Variants in TAX1BP1 observed in about 807,000 individuals in gnomAD.
The protein encoded by TAX1BP1 is tax1-binding protein 1.
In TAX1BP1, 62 loss-of-function variants were observed where a neutral mutation model predicts 97.7. That is an observed-to-expected ratio of 0.63 (90% CI 0.52 to 0.78). The LOEUF (loss-of-function observed/expected upper bound fraction) is 0.78. TAX1BP1 is among the 30% of genes least tolerant of loss of function. The pLI is 0.00. For missense variants in TAX1BP1, 867 were observed against 916.1 expected, an observed-to-expected ratio of 0.95 and a Z score of 0.69; for synonymous variants, 340 against 304.2, an observed-to-expected ratio of 1.12 and a Z score of -1.23.
In TAX1BP1 at chr7:27,792,046, A is replaced by G. The variant is rs745458426; in HGVS notation, c.1079A>G (p.Glu360Gly). The part of the protein sequence containing the change: ...CFLKEQLRKA[E>G]EQVQATRQEV... ...TTAAAGGAGCAACTTCGTAAAGCAG[A>G]GGAACAGGTTCAGGCAACTCGGCAA... The change falls in exon 9 of 17, where the codon GAG (glutamate) becomes GGG (glycine). Residue 360 changes from glutamate (E) to glycine (G), a missense_variant. This residue lies in a region of TAX1BP1 where 822 missense variants were observed against 851.4 expected (regional missense o/e 0.97). Transcript: ENST00000396319. 43 of 1,614,150 alleles carry G rather than the reference A, an allele frequency of 2.7e-5. 1 individual carries two copies. The South Asian group carries it at 4.2e-4, about 16-fold the overall frequency.
chr7:27,755,829 C>T (rs1214798149), intron 2 of TAX1BP1, among the ~76,000 whole-genome samples: 1 of 152,160 alleles, frequency 6.6e-6, no homozygotes, highest in East Asian at 1.9e-4. Flanking sequence ...TCAGGTATAT[C>T]TCCTAGAAGC....
intron 13 of TAX1BP1, among the ~76,000 whole-genome samples, chr7:27,810,207 C>CTT (rs61226834): frequency 3.5e-5 from 5 of 143,350 alleles, no homozygotes; most frequent in African/African-American, 1.0e-4. Flanking sequence ...ACGCACAGCC[C>CTT]TTTTTTTTTT....
At chr7:27,763,085 A>G (rs755553752) in intron 3 of TAX1BP1, among the ~76,000 whole-genome samples, 42 of 152,228 alleles carry the variant, frequency 2.8e-4, no homozygotes, top group Non-Finnish European at 4.8e-4. Flanking sequence ...TTTGTTATAT[A>G]AGGAAGTCAG....
At chr7:27,822,249 C>G (rs1791005275) in intron 15 of TAX1BP1, among the ~76,000 whole-genome samples, 1 of 152,164 alleles carries the variant, frequency 6.6e-6, no homozygotes, top group African/African-American at 2.4e-5. Context: ...ATTTTGTTTA[C>G]CCATTCATGT....
intron 15 of TAX1BP1, 149 bp downstream of exon 15, chr7:27,817,187 C>T (rs1289619141): frequency 2.1e-6 from 2 of 962,392 alleles, no homozygotes; most frequent in Non-Finnish European, 2.9e-6. Flanking sequence ...ACACAATTGC[C>T]TACTTGATTT....
chr7:27,783,029 G>A (rs1665780411), intron 5 of TAX1BP1, among the ~76,000 whole-genome samples: 1 of 152,092 alleles, frequency 6.6e-6, no homozygotes, highest in African/African-American at 2.4e-5. Context: ...ATTGGTAATA[G>A]TGGCTCATGG....
At position 27,822,769 on chromosome 7, in the gene TAX1BP1, C is replaced by G. The variant is rs1380136218; in HGVS notation, c.2086-4969C>G. ...TTGTCTTCACTTTTACGATGGTGCT[C>G]TTTGCAGCACAAAACTTTTTAGTTT... On this transcript the variant is annotated intron_variant, in intron 15 of 16. Transcript: ENST00000396319. Among the ~76,000 whole-genome samples the G allele has an allele frequency of 2.0e-5, 3 of 152,284 alleles. No individual in the cohort carries two copies. The South Asian group carries it at 6.2e-4, about 32-fold the overall frequency.
At chr7:27,758,575 A>G (rs1339676697) in intron 3 of TAX1BP1, among the ~76,000 whole-genome samples, 1 of 152,190 alleles carries the variant, frequency 6.6e-6, no homozygotes, top group Admixed American at 6.5e-5. Flanking sequence ...AAAGTAATAT[A>G]AAATTCATTT....
At chr7:27,746,300 GTT>G (rs1278131581) in intron 1 of TAX1BP1, among the ~76,000 whole-genome samples, 2 of 150,568 alleles carry the variant, frequency 1.3e-5, no homozygotes, top group African/African-American at 4.9e-5. Flanking sequence ...AGTTTTGGTA[GTT>G]GTATCTAATA....
chr7:27,812,289 G>A (rs559471217), intron 13 of TAX1BP1, among the ~76,000 whole-genome samples: 1 of 152,174 alleles, frequency 6.6e-6, no homozygotes, highest in East Asian at 1.9e-4. Flanking sequence ...CAGGCCATTT[G>A]TACATATTCC....
At chr7:27,824,409 C>A (rs1791091818) in intron 15 of TAX1BP1, among the ~76,000 whole-genome samples, 1 of 151,472 alleles carries the variant, frequency 6.6e-6, no homozygotes, top group Non-Finnish European at 1.5e-5. Flanking sequence ...AAAAAAAATA[C>A]CGAGTGTGGT....
intron 2 of TAX1BP1, among the ~76,000 whole-genome samples, chr7:27,757,223 C>T (rs1202540846): frequency 1.3e-5 from 2 of 152,120 alleles, no homozygotes; most frequent in East Asian, 3.8e-4. Context: ...CTGTTTTAAA[C>T]ATCTCCAATT....
At chr7:27,766,309 A>G (rs1398399460) in intron 4 of TAX1BP1, among the ~76,000 whole-genome samples, 2 of 151,660 alleles carry the variant, frequency 1.3e-5, no homozygotes, top group Non-Finnish European at 2.9e-5. Context: ...AGTCCCAGCT[A>G]CTCGGGAGGC....
chr7:27,828,555 C>A (rs986289915), intron 16 of TAX1BP1, 73 bp from the exon 17 acceptor site: 6 of 1,420,334 alleles, frequency 4.2e-6, no homozygotes, highest in Non-Finnish European at 5.9e-6. Context: ...ATAAATGGAA[C>A]CTTGTCATAT....
intron 1 of TAX1BP1, among the ~76,000 whole-genome samples, chr7:27,747,195 T>C (rs1787856080): frequency 6.6e-6 from 1 of 152,214 alleles, no homozygotes; most frequent in African/African-American, 2.4e-5. Context: ...CATAGTTTCT[T>C]ATGTGTATTG....
chr7:27,793,129 C>T lies in TAX1BP1; in HGVS notation c.1327C>T (p.Gln443Ter). The T allele has an allele frequency of 6.2e-7, 1 of 1,604,566 alleles. No homozygotes were observed. Among genetic ancestry groups the T allele is most frequent in the East Asian group, 2.2e-5 (1 of 44,676 alleles). The change falls in exon 10 of 17, where the codon CAG becomes TAG. Residue 443 changes from glutamine to a stop codon, truncating the protein, a stop_gained. Transcript: ENST00000396319. LOFTEE classifies it high-confidence loss of function. ...AGTTGAAGATCTGAAACTCCGTCTT[C>T]AGATGGCTGCAGACCATTATAAAGA... ...REVEDLKLRLQMAADHYKEKF... is the reference protein window; with the variant it reads ...REVEDLKLRL
Position 27,807,328 on chromosome 7 carries a change from G to T in TAX1BP1, c.1764+7238G>T, listed in dbSNP as rs575404978. Among the ~76,000 whole-genome samples the T allele has an allele frequency of 7.2e-5, 11 of 152,100 alleles. No individual in the cohort carries two copies. The South Asian group carries it at 1.9e-3, about 26-fold the overall frequency. ...AATACATATTGAAATTGTATCCTTA[G>T]TACTTTGTTTATTGTTTATAGTCTT... On this transcript the variant is annotated intron_variant, in intron 13 of 16. Transcript: ENST00000396319.
At chr7:27,780,959 A>G (rs1036409412) in intron 5 of TAX1BP1, among the ~76,000 whole-genome samples, 5 of 152,124 alleles carry the variant, frequency 3.3e-5, no homozygotes, top group African/African-American at 1.2e-4. Flanking sequence ...ATTAAAAGGT[A>G]ATTTTAAGTA....
intron 1 of TAX1BP1, among the ~76,000 whole-genome samples, chr7:27,740,761 A>T (rs181361887): frequency 6.6e-6 from 1 of 152,288 alleles, no homozygotes; most frequent in African/African-American, 2.4e-5. Context: ...AGAGAAACCC[A>T]GCTGTTTTGG....
Sources: allele counts gnomAD v4.1 joint callset (sites outside exome capture counted in the v4.1 genomes callset), GRCh38; gene constraint gnomAD v4.1.1; regional missense constraint gnomAD v4.1.1; transcripts MANE v1.5; gene names NCBI Gene and HGNC (gene_info 2026-07-23, HGNC 2026-07-21).